Variants in CCDC171 observed in about 807,000 individuals in gnomAD.
CCDC171 encodes the protein coiled-coil domain containing 171.
CCDC171 carries 177 observed loss-of-function variants against 168.2 expected under a neutral mutation model. The ratio of observed to expected loss-of-function variants is 1.05; its 90% CI spans 0.93 to 1.19. The LOEUF (loss-of-function observed/expected upper bound fraction) is 1.19. Ranked by LOEUF, CCDC171 falls within the 50% of genes most tolerant of loss-of-function variation. The pLI is 0.00. For synonymous variants in CCDC171, 687 were observed against 540.8 expected (o/e 1.27, Z -3.75); for missense variants, 1,991 against 1,539.0 (o/e 1.29, Z -4.91).
intron 24 of CCDC171, among the ~76,000 whole-genome samples, chr9:15,913,945 CCT>C (rs1488283248): frequency 1.3e-5 from 2 of 152,180 alleles, no homozygotes; most frequent in Non-Finnish European, 2.9e-5. Context: ...CACTCCAGAC[CCT>C]GTTTGCCTAG....
intron 16 of CCDC171, 122 bp from the exon 17 acceptor site, chr9:15,744,151 C>A: frequency 1.3e-6 from 1 of 753,412 alleles, no homozygotes; most frequent in Non-Finnish European, 2.1e-6. Flanking sequence ...TATTTTAGCA[C>A]ATGTATCTTT....
chr9:15,571,171 C>G (rs910458058), intron 2 of CCDC171, among the ~76,000 whole-genome samples: 1 of 152,130 alleles, frequency 6.6e-6, no homozygotes, highest in Non-Finnish European at 1.5e-5. Flanking sequence ...GTTTATACCT[C>G]TAAATTCTGT....
At chr9:16,049,569 C>T (rs1227735614) in intron 1 of CCDC171, among the ~76,000 whole-genome samples, 4 of 152,094 alleles carry the variant, frequency 2.6e-5, no homozygotes, top group Non-Finnish European at 4.4e-5. Context: ...TCAGGGTAGC[C>T]GGTCTTTGGG....
At chr9:16,098,895 C>A in the CCDC171 span, among the ~76,000 whole-genome samples, 1 of 152,130 alleles carries the variant, frequency 6.6e-6, no homozygotes, top group Admixed American at 6.5e-5. Flanking sequence ...CACGGATGTT[C>A]CTAGAAAAAT....
chr9:15,741,703 A>G (rs2054890774), intron 16 of CCDC171, among the ~76,000 whole-genome samples: 1 of 152,094 alleles, frequency 6.6e-6, no homozygotes, highest in Admixed American at 6.5e-5. Context: ...TTATGATCAA[A>G]TTTTCTACAA....
downstream of CCDC171, among the ~76,000 whole-genome samples, chr9:15,978,938 A>G (rs373717784): frequency 1.3e-5 from 2 of 152,100 alleles, no homozygotes; most frequent in Non-Finnish European, 2.9e-5. Flanking sequence ...TCTACTTTCT[A>G]TCTCTATGGA....
chr9:15,859,679 C>T (rs1461350556), intron 23 of CCDC171, among the ~76,000 whole-genome samples: 2 of 141,468 alleles, frequency 1.4e-5, no homozygotes, highest in Non-Finnish European at 3.0e-5. Flanking sequence ...TTTTTTGAGA[C>T]AGTGTCTTGC....
chr9:16,081,520 T>C, the CCDC171 span, among the ~76,000 whole-genome samples: 1 of 152,172 alleles, frequency 6.6e-6, no homozygotes, highest in African/African-American at 2.4e-5. Flanking sequence ...TAGATGCTGT[T>C]GACAGTCAAT....
the CCDC171 span, among the ~76,000 whole-genome samples, chr9:16,097,597 A>G: frequency 3.6e-3 from 555 of 152,330 alleles, no homozygotes; most frequent in Non-Finnish European, 6.6e-3. Context: ...ATGAGCAAGC[A>G]TACTATCTCA....
At chr9:15,918,466 A>G (rs1465508634) in intron 24 of CCDC171, among the ~76,000 whole-genome samples, 1 of 150,708 alleles carries the variant, frequency 6.6e-6, no homozygotes, top group Non-Finnish European at 1.5e-5. Flanking sequence ...TTTCTGGTCT[A>G]CTATCTCAAT....
At chr9:15,897,712 A>G (rs1231918085) in intron 24 of CCDC171, among the ~76,000 whole-genome samples, 1 of 152,198 alleles carries the variant, frequency 6.6e-6, no homozygotes, top group Non-Finnish European at 1.5e-5. Context: ...TCAATAAAAG[A>G]GAGAATATGG....
chr9:15,626,744 A>G (rs967572077), intron 7 of CCDC171, among the ~76,000 whole-genome samples: 4 of 152,156 alleles, frequency 2.6e-5, no homozygotes, highest in East Asian at 1.9e-4. Flanking sequence ...TTTTGCATCA[A>G]TGTTCATCAG....
At chr9:16,006,306 A>G (rs1044279843) in intron 3 of CCDC171, among the ~76,000 whole-genome samples, 1 of 152,148 alleles carries the variant, frequency 6.6e-6, no homozygotes, top group African/African-American at 2.4e-5. Flanking sequence ...GTGGGTGTGA[A>G]GTGTATCTTT....
intron 16 of CCDC171, among the ~76,000 whole-genome samples, chr9:15,738,651 G>T (rs2054647085): frequency 6.6e-6 from 1 of 151,794 alleles, no homozygotes; most frequent in African/African-American, 2.4e-5. Flanking sequence ...TTGCTCTATA[G>T]CTGTTTCCAC....
At chr9:16,095,869 C>T in the CCDC171 span, among the ~76,000 whole-genome samples, 6,013 of 123,590 alleles carry the variant, frequency 0.049, 297 homozygotes, top group African/African-American at 0.11. Flanking sequence ...CACATAGGCA[C>T]ATATATATAT....
At chr9:15,787,871 A>G (rs933497049) in intron 21 of CCDC171, among the ~76,000 whole-genome samples, 13 of 152,294 alleles carry the variant, frequency 8.5e-5, no homozygotes, top group East Asian at 5.8e-4. Flanking sequence ...GAAAATTTTT[A>G]TAAGCATATT....
chr9:15,777,687 T>A lies in CCDC171; in HGVS notation c.2759T>A (p.Met920Lys). The change falls in exon 19 of 26, where the codon ATG becomes AAG. Residue 920 changes from methionine to lysine, a missense_variant. Coordinates refer to ENST00000380701, the MANE Select transcript of CCDC171 (RefSeq NM_173550.4). ...CTCATGGATAAAATTAGTCTGGTAA[T>A]GGAATGTATACCTCTGCACAGTAGC... ...AKLMDKISLV[M>K]ECIPLHSSRS... The A allele has an allele frequency of 6.2e-7, 1 of 1,613,942 alleles. No homozygotes were observed. The highest frequency in any genetic ancestry group is 8.5e-7 in the Non-Finnish European group (1 of 1,179,876).
the CCDC171 span, among the ~76,000 whole-genome samples, chr9:16,102,470 G>A: frequency 2.6e-4 from 32 of 122,888 alleles, no homozygotes; most frequent in African/African-American, 8.7e-4. Context: ...TGCATTTCAT[G>A]TAAGGATAAA....
At chr9:15,920,090 A>G (rs1407037576) in intron 24 of CCDC171, among the ~76,000 whole-genome samples, 180 bp from the exon 25 acceptor site, 1 of 151,644 alleles carries the variant, frequency 6.6e-6, no homozygotes, top group Non-Finnish European at 1.5e-5. Context: ...TTTTCTCACA[A>G]ACTTTCTTAA....
Sources: gnomAD v4.1 joint callset for allele counts (sites outside exome capture counted in the v4.1 genomes callset) on GRCh38, gnomAD v4.1.1 for gene constraint, MANE v1.5 for transcripts, NCBI Gene and HGNC (gene_info 2026-07-23, HGNC 2026-07-21) for gene names.